Variants in CPB2 observed in about 807,000 individuals in gnomAD.
CPB2 encodes carboxypeptidase B-like protein.
CPB2 carries 54 observed loss-of-function variants against 57.0 expected under a neutral mutation model. The ratio of observed to expected loss-of-function variants is 0.95; its 90% CI spans 0.76 to 1.19. The LOEUF is 1.19. Among genes scored for constraint, CPB2 ranks in the 50% most tolerant of loss-of-function variants. The pLI is 0.00. For synonymous variants in CPB2, 189 were observed against 178.1 expected, an observed-to-expected ratio of 1.06 and a Z score of -0.49; for missense variants, 426 against 512.0, an observed-to-expected ratio of 0.83 and a Z score of 1.62.
chr13:46,087,880 T>C, intron 1 of CPB2, 60 bp from the exon 2 acceptor site: 1 of 1,170,966 alleles, frequency 8.5e-7, no homozygotes, highest in Non-Finnish European at 1.2e-6. Flanking sequence ...TGGAATATAT[T>C]ATACTGTGAG....
chr13:46,099,582 A>G (rs566899846), intron 1 of CPB2: 1 of 152,324 alleles, frequency 6.6e-6, no homozygotes, highest in African/African-American at 2.4e-5. Context: ...GTCCATGTAG[A>G]GGAAGTCTTG....
At chr13:46,058,980 T>C (rs1441949564) in intron 8 of CPB2, among the ~76,000 whole-genome samples, 1 of 152,238 alleles carries the variant, frequency 6.6e-6, no homozygotes, top group Non-Finnish European at 1.5e-5. Context: ...CCCCTGTCCC[T>C]AATTCACAAG....
At chr13:46,101,244 G>C (rs1477862666) in intron 1 of CPB2, 1 of 152,140 alleles carries the variant, frequency 6.6e-6, no homozygotes, top group African/African-American at 2.4e-5. Context: ...GTTTATAAGT[G>C]CTGCCTGCCC....
rs1555312216 is a variant in CPB2 at position 46,105,014 on chromosome 13, A to G, written c.-5T>C. ...TGCAAGGCTGCAAAGCTTCATCCCA[A>G]CAGCAATTTTCTGTACAACAAATTT... On this transcript the variant is annotated 5_prime_UTR_variant, in exon 1 of 11. Transcript: ENST00000181383. The G allele has an allele frequency of 2.5e-6, 4 of 1,613,798 alleles. No homozygotes were observed. In the South Asian group the frequency reaches 3.3e-5, roughly 13 times the overall value.
chr13:46,086,627 T>C (rs2045210101), intron 2 of CPB2, among the ~76,000 whole-genome samples: 2 of 152,212 alleles, frequency 1.3e-5, no homozygotes, highest in African/African-American at 4.8e-5. Context: ...CAGTTCCCAC[T>C]GCGGTCCACG....
intron 1 of CPB2, 96 bp downstream of exon 1, chr13:46,104,840 C>T (rs1021734121): frequency 3.5e-5 from 50 of 1,436,646 alleles, no homozygotes; most frequent in Middle Eastern, 1.8e-4. Flanking sequence ...CAAAGTTTAC[C>T]ATTTTGTCCA....
intron 2 of CPB2, among the ~76,000 whole-genome samples, chr13:46,087,498 C>T (rs2045228347): frequency 6.6e-6 from 1 of 152,188 alleles, no homozygotes. Context: ...ACTGTAGCCT[C>T]TTTGTAAGTG....
intron 8 of CPB2, among the ~76,000 whole-genome samples, chr13:46,063,262 C>T (rs1280908993): frequency 6.6e-6 from 1 of 152,192 alleles, no homozygotes; most frequent in Non-Finnish European, 1.5e-5. Flanking sequence ...TTGAACCCAT[C>T]ACCCAAATGG....
intron 1 of CPB2, among the ~76,000 whole-genome samples, chr13:46,090,267 T>G (rs918534673): frequency 6.6e-6 from 1 of 152,114 alleles, no homozygotes; most frequent in African/African-American, 2.4e-5. Flanking sequence ...AGAATTATAT[T>G]GGATCAATAG....
chr13:46,065,626 C>CAAA (rs397851865), intron 7 of CPB2, among the ~76,000 whole-genome samples: 8 of 61,990 alleles, frequency 1.3e-4, no homozygotes, highest in Non-Finnish European at 1.8e-4. Context: ...GACTCCGTCT[C>CAAA]AAAAAAAAAA....
At chr13:46,055,083 A>C (rs1337203344) in intron 10 of CPB2, among the ~76,000 whole-genome samples, 1 of 151,648 alleles carries the variant, frequency 6.6e-6, no homozygotes, top group East Asian at 1.9e-4. Flanking sequence ...TTAAAAAAAA[A>C]AAAAAAAGGA....
chr13:46,077,577 T>A (rs761116064), intron 5 of CPB2, among the ~76,000 whole-genome samples: 2 of 152,174 alleles, frequency 1.3e-5, no homozygotes, highest in Non-Finnish European at 2.9e-5. Flanking sequence ...TTATTGGGTA[T>A]GTATCCAAAA....
At chr13:46,089,872 T>C (rs1185627884) in intron 1 of CPB2, among the ~76,000 whole-genome samples, 1 of 152,166 alleles carries the variant, frequency 6.6e-6, no homozygotes, top group Non-Finnish European at 1.5e-5. Context: ...GTTTATAAGC[T>C]GCACCACTTA....
At chr13:46,104,519 A>T (rs1566423447) in intron 1 of CPB2, among the ~76,000 whole-genome samples, 1 of 152,184 alleles carries the variant, frequency 6.6e-6, no homozygotes, top group African/African-American at 2.4e-5. Flanking sequence ...CTCCTATTTA[A>T]CACTTCACCC....
intron 10 of CPB2, among the ~76,000 whole-genome samples, chr13:46,055,188 A>C (rs917022358): frequency 2.0e-5 from 3 of 152,102 alleles, no homozygotes; most frequent in Non-Finnish European, 4.4e-5. Flanking sequence ...CAAACTTCAA[A>C]AGGGCAAAAT....
At chr13:46,084,127 T>C (rs2139396201) in intron 3 of CPB2, 92 bp downstream of exon 3, 1 of 1,461,898 alleles carries the variant, frequency 6.8e-7, no homozygotes, top group African/African-American at 1.4e-5. Context: ...TTAATACATT[T>C]TATTTTTCCA....
intron 8 of CPB2, among the ~76,000 whole-genome samples, chr13:46,063,080 G>A (rs188018874): frequency 7.3e-4 from 111 of 152,236 alleles, no homozygotes; most frequent in Admixed American, 1.5e-3. Flanking sequence ...GTTTATTTTC[G>A]TAGCTGTTTC....
At chr13:46,090,926 A>G (rs1461149496) in intron 1 of CPB2, among the ~76,000 whole-genome samples, 3 of 151,320 alleles carry the variant, frequency 2.0e-5, no homozygotes, top group East Asian at 3.9e-4. Context: ...GGGTTTCACT[A>G]TGTTGGTCAG....
chr13:46,071,952 C>A (rs771399295), intron 6 of CPB2, among the ~76,000 whole-genome samples: 4 of 152,112 alleles, frequency 2.6e-5, no homozygotes, highest in Non-Finnish European at 5.9e-5. Flanking sequence ...TGAGAAAAGC[C>A]ATTTGGCAGA....
Sources: gnomAD v4.1 joint callset for allele counts (sites outside exome capture counted in the v4.1 genomes callset) on GRCh38, gnomAD v4.1.1 for gene constraint, MANE v1.5 for transcripts, NCBI Gene and HGNC (gene_info 2026-07-23, HGNC 2026-07-21) for gene names.